Variants in NR1H4 observed in about 807,000 individuals in gnomAD.
The protein encoded by NR1H4 is nuclear receptor subfamily 1 group H member 4.
NR1H4 carries 23 observed loss-of-function variants against 58.5 expected under a neutral mutation model. The ratio of observed to expected loss-of-function variants is 0.39; its 90% CI spans 0.28 to 0.56. NR1H4 has a LOEUF of 0.56. Among genes scored for constraint, NR1H4 ranks in the 20% least tolerant of loss-of-function variants. The pLI, the probability that NR1H4 is intolerant of heterozygous loss-of-function variation, is 0.58. For missense variants in NR1H4, 487 were observed against 576.9 expected, an observed-to-expected ratio of 0.84 and a Z score of 1.60; for synonymous variants, 214 against 198.0, an observed-to-expected ratio of 1.08 and a Z score of -0.68.
At chr12:100,483,407 A>G (rs1953423140) in intron 1 of NR1H4, among the ~76,000 whole-genome samples, 1 of 152,226 alleles carries the variant, frequency 6.6e-6, no homozygotes, top group Non-Finnish European at 1.5e-5. Flanking sequence ...CTATCACTAA[A>G]AATCTATGTA....
rs1173260136 is a variant in NR1H4, at chr12:100,515,701, A to G, written c.445+4558A>G. Among the ~76,000 whole-genome samples, 6 of 152,216 alleles carry G rather than the reference A, an allele frequency of 3.9e-5. No homozygotes were observed. The East Asian group carries it at 7.7e-4, about 20-fold the overall frequency. On this transcript the variant is annotated intron_variant, in intron 4 of 10. Coordinates refer to ENST00000392986, the MANE Select transcript of NR1H4 (RefSeq NM_001206979.2). ...CATAGTCAAAACTCAATAGATGTCT[A>G]TTGTTATTATTGTTATGGTCCTAGA...
chr12:100,548,492 C>T (rs1955132125), intron 9 of NR1H4, among the ~76,000 whole-genome samples: 1 of 152,090 alleles, frequency 6.6e-6, no homozygotes, highest in African/African-American at 2.4e-5. Flanking sequence ...AGAATATCTC[C>T]TCATATTTCT....
At chr12:100,540,009 C>G (rs758667718) in intron 8 of NR1H4, among the ~76,000 whole-genome samples, 1 of 152,082 alleles carries the variant, frequency 6.6e-6, no homozygotes, top group Non-Finnish European at 1.5e-5. Context: ...GGCTGGAACA[C>G]AAAGAGTAGA....
At chr12:100,540,575 C>A in intron 8 of NR1H4, 97 bp from the exon 9 acceptor site, 1 of 1,362,432 alleles carries the variant, frequency 7.3e-7, no homozygotes, top group Non-Finnish European at 1.0e-6. Flanking sequence ...TAAACAACTA[C>A]AGAATCACTT....
At chr12:100,555,285 T>A (rs1299429317) in intron 9 of NR1H4, among the ~76,000 whole-genome samples, 1 of 152,110 alleles carries the variant, frequency 6.6e-6, no homozygotes, top group East Asian at 1.9e-4. Context: ...AACTGAGGAG[T>A]GTAGTCTCTG....
intron 4 of NR1H4, among the ~76,000 whole-genome samples, chr12:100,530,039 A>T (rs1273227355): frequency 6.6e-6 from 1 of 152,190 alleles, no homozygotes; most frequent in Non-Finnish European, 1.5e-5. Context: ...ATTTTATATT[A>T]TGCTGTAAAT....
intron 1 of NR1H4, among the ~76,000 whole-genome samples, chr12:100,475,891 A>G (rs1332689527): frequency 1.3e-5 from 2 of 152,014 alleles, no homozygotes; most frequent in Admixed American, 6.5e-5. Flanking sequence ...GTGCACCACC[A>G]TGCCACTATT....
Position 100,563,818 on chromosome 12 carries a change from A to G in NR1H4, c.*329A>G. 1 of 243,320 alleles carries G rather than the reference A, an allele frequency of 4.1e-6. No individual in the cohort carries two copies. The highest frequency in any genetic ancestry group is 8.0e-6 in the Non-Finnish European group (1 of 125,610). 15.1% of individuals were successfully genotyped at this position (243,320 alleles called of 1,614,324 possible). ...CTTACCATATTGCATATATTTTATTAAAGAGTTGTATTCAATCTTGGCAAT... is the reference window on the plus strand; with the variant it reads ...CTTACCATATTGCATATATTTTATTGAAGAGTTGTATTCAATCTTGGCAAT... On this transcript the variant is annotated 3_prime_UTR_variant, in exon 11 of 11. Coordinates refer to ENST00000392986, the MANE Select transcript of NR1H4 (RefSeq NM_001206979.2).
At chr12:100,515,891 A>G (rs545259416) in intron 4 of NR1H4, among the ~76,000 whole-genome samples, 95 of 152,328 alleles carry the variant, frequency 6.2e-4, no homozygotes, top group African/African-American at 2.2e-3. Flanking sequence ...TACTCAAAGC[A>G]TAGTACCTGG....
chr12:100,490,970 A>G (rs376404715), intron 1 of NR1H4, among the ~76,000 whole-genome samples: 15 of 152,156 alleles, frequency 9.9e-5, no homozygotes, highest in African/African-American at 3.6e-4. Flanking sequence ...TAATTTTTAA[A>G]TTTTTATTAG....
intron 3 of NR1H4, among the ~76,000 whole-genome samples, chr12:100,494,367 C>T (rs1953667075): frequency 1.3e-5 from 2 of 152,118 alleles, no homozygotes; most frequent in Admixed American, 6.5e-5. Flanking sequence ...GTACCTGCCT[C>T]CATACAGTAC....
At chr12:100,507,584 T>C (rs1953998722) in intron 3 of NR1H4, among the ~76,000 whole-genome samples, 1 of 152,156 alleles carries the variant, frequency 6.6e-6, no homozygotes, top group South Asian at 2.1e-4. Context: ...TGCCTCAGCC[T>C]CCCAGGTAGC....
chr12:100,482,093 C>A (rs1953394452), intron 1 of NR1H4, among the ~76,000 whole-genome samples: 1 of 152,032 alleles, frequency 6.6e-6, no homozygotes, highest in African/African-American at 2.4e-5. Context: ...AAGAGAGAGA[C>A]CCTGTCTCAA....
At chr12:100,539,747 G>C (rs2136249776) in intron 8 of NR1H4, among the ~76,000 whole-genome samples, 1 of 152,322 alleles carries the variant, frequency 6.6e-6, no homozygotes, top group African/African-American at 2.4e-5. Flanking sequence ...CTCCAGTAGA[G>C]GTGGCAGACA....
chr12:100,522,928 T>C (rs1954463548), intron 4 of NR1H4, among the ~76,000 whole-genome samples: 1 of 152,236 alleles, frequency 6.6e-6, no homozygotes, highest in Non-Finnish European at 1.5e-5. Flanking sequence ...GGTGTATATA[T>C]ACCACAGTTT....
chr12:100,548,978 G>A (rs917618753), intron 9 of NR1H4, among the ~76,000 whole-genome samples: 1 of 152,114 alleles, frequency 6.6e-6, no homozygotes, highest in Non-Finnish European at 1.5e-5. Context: ...TGGATGTCAT[G>A]CTCATCCATC....
intron 3 of NR1H4, among the ~76,000 whole-genome samples, chr12:100,495,492 G>A (rs1953694182): frequency 6.6e-6 from 1 of 152,114 alleles, no homozygotes; most frequent in Admixed American, 6.6e-5. Flanking sequence ...CAGCACTTTG[G>A]GAGGCTGAGG....
At chr12:100,538,845 C>T (rs932671511) in intron 8 of NR1H4, among the ~76,000 whole-genome samples, 1 of 152,098 alleles carries the variant, frequency 6.6e-6, no homozygotes, top group South Asian at 2.1e-4. Context: ...ATCATTGAAA[C>T]ACTAATATGC....
intron 4 of NR1H4, among the ~76,000 whole-genome samples, chr12:100,513,837 G>GA (rs1240875378): frequency 7.1e-6 from 1 of 140,856 alleles, no homozygotes; most frequent in East Asian, 2.7e-4. Context: ...AGGAAGGAAG[G>GA]AAGGAAGGAA....
Sources: gnomAD v4.1 joint callset for allele counts (sites outside exome capture counted in the v4.1 genomes callset) on GRCh38, gnomAD v4.1.1 for gene constraint, MANE v1.5 for transcripts, NCBI Gene and HGNC (gene_info 2026-07-23, HGNC 2026-07-21) for gene names.